The following TRDN variants were observed in gnomAD, a reference collection of about 807,000 sequenced individuals.
TRDN encodes the protein triadin in skeletal muscle.
In TRDN, 161 loss-of-function variants were observed where a neutral mutation model predicts 149.7. The ratio of observed to expected loss-of-function variants is 1.08; its 90% CI spans 0.95 to 1.23. The LOEUF (loss-of-function observed/expected upper bound fraction) is 1.23, where lower values mean the gene tolerates loss of function less well. TRDN is among the 50% of genes most tolerant of loss of function. The pLI, the probability that TRDN is intolerant of heterozygous loss-of-function variation, is 0.00. For missense variants in TRDN, 896 were observed against 823.5 expected (o/e 1.09, Z -1.08); for synonymous variants, 294 against 250.5 (o/e 1.17, Z -1.64).
At chr6:123,308,740 T>TTAGTTGATGAC (rs1778706625) in intron 24 of TRDN, among the ~76,000 whole-genome samples, 1 of 152,024 alleles carries the variant, frequency 6.6e-6, no homozygotes, top group Non-Finnish European at 1.5e-5. Flanking sequence ...ACTAATGTCA[T>TTAGTTGATGAC]CAACACCTAT....
At chr6:123,621,523 C>A (rs1005913106) in intron 1 of TRDN, among the ~76,000 whole-genome samples, 4 of 152,120 alleles carry the variant, frequency 2.6e-5, no homozygotes, top group Admixed American at 2.6e-4. Flanking sequence ...TAGCCTCCCC[C>A]AATTGAAACA....
intron 1 of TRDN, among the ~76,000 whole-genome samples, chr6:123,618,343 G>T (rs1435266436): frequency 6.6e-6 from 1 of 152,018 alleles, no homozygotes; most frequent in Non-Finnish European, 1.5e-5. Flanking sequence ...ACATAACTTG[G>T]CTCATAGCTT....
intron 37 of TRDN, among the ~76,000 whole-genome samples, chr6:123,253,688 A>G (rs1372819076): frequency 6.6e-6 from 1 of 152,116 alleles, no homozygotes; most frequent in Non-Finnish European, 1.5e-5. Flanking sequence ...TTTCGTACAT[A>G]ATCATTTTTC....
At chr6:123,612,857 C>T (rs1258371531) in intron 1 of TRDN, among the ~76,000 whole-genome samples, 1 of 152,198 alleles carries the variant, frequency 6.6e-6, no homozygotes, top group African/African-American at 2.4e-5. Flanking sequence ...GGACAGTAGA[C>T]AGACTAGAAG....
At chr6:123,584,513 G>A (rs1006821203) in intron 1 of TRDN, among the ~76,000 whole-genome samples, 2 of 152,190 alleles carry the variant, frequency 1.3e-5, no homozygotes, top group Non-Finnish European at 1.5e-5. Flanking sequence ...AGGAGTTGTT[G>A]TTTTGTAAGG....
chr6:123,558,427 G>T (rs957857601), intron 2 of TRDN, among the ~76,000 whole-genome samples: 8 of 151,900 alleles, frequency 5.3e-5, no homozygotes, highest in Non-Finnish European at 1.0e-4. Flanking sequence ...TCCCCCACCT[G>T]CCCAGCAATT....
At chr6:123,356,513 A>G (rs933314576) in intron 20 of TRDN, among the ~76,000 whole-genome samples, 1 of 14,236 alleles carries the variant, frequency 7.0e-5, no homozygotes, top group African/African-American at 2.7e-4. Flanking sequence ...TTATATATAT[A>G]TATATATATA....
chr6:123,502,107 T>C, intron 8 of TRDN: 1 of 984,370 alleles, frequency 1.0e-6, no homozygotes. Context: ...CTTTGTAGGT[T>C]TTCACTGATT....
At chr6:123,513,648 T>C (rs1221602324) in intron 6 of TRDN, among the ~76,000 whole-genome samples, 1 of 151,810 alleles carries the variant, frequency 6.6e-6, no homozygotes, top group African/African-American at 2.4e-5. Context: ...ATGAAGAAAA[T>C]AAGATAAGAA....
chr6:123,538,850 T>TTCGAATTTTATTTTCTCC (rs1780681603), intron 4 of TRDN, among the ~76,000 whole-genome samples: 2 of 152,212 alleles, frequency 1.3e-5, no homozygotes, highest in Non-Finnish European at 1.5e-5. Context: ...ATTTTTTCTC[T>TTCGAATTTTATTTTCTCC]TCGAATTTTA....
intron 38 of TRDN, among the ~76,000 whole-genome samples, chr6:123,235,761 G>T (rs1775763492): frequency 6.6e-6 from 1 of 152,130 alleles, no homozygotes; most frequent in Non-Finnish European, 1.5e-5. Context: ...CTACTGAGCT[G>T]TAACCCAATG....
chr6:123,633,144 T>C (rs530741307), intron 1 of TRDN, among the ~76,000 whole-genome samples: 21 of 152,190 alleles, frequency 1.4e-4, no homozygotes, highest in African/African-American at 4.8e-4. Flanking sequence ...AAAGCTTTCT[T>C]GAACTAAGCG....
At chr6:123,324,998 AT>A (rs918022099) in intron 23 of TRDN, among the ~76,000 whole-genome samples, 2 of 152,120 alleles carry the variant, frequency 1.3e-5, no homozygotes, top group Non-Finnish European at 2.9e-5. Flanking sequence ...ATCTTCTAAG[AT>A]TTTATTCTTT....
chr6:123,478,579 T>G (rs1372470114), intron 9 of TRDN, among the ~76,000 whole-genome samples: 1 of 152,104 alleles, frequency 6.6e-6, no homozygotes, highest in African/African-American at 2.4e-5. Flanking sequence ...CGAATTGCGT[T>G]TTTATTTTAG....
At chr6:123,349,315 G>A (rs372584712) in intron 21 of TRDN, among the ~76,000 whole-genome samples, 12 of 152,124 alleles carry the variant, frequency 7.9e-5, no homozygotes, top group East Asian at 5.8e-4. Flanking sequence ...GAGTATCCTC[G>A]TTTTCATGCA....
intron 21 of TRDN, among the ~76,000 whole-genome samples, chr6:123,344,664 TTA>T (rs1277274237): frequency 6.6e-6 from 1 of 152,064 alleles, no homozygotes; most frequent in Non-Finnish European, 1.5e-5. Context: ...CAGAATTTAT[TTA>T]TCTGTTCACC....
chr6:123,222,780 CA>C (rs1431720074), intron 39 of TRDN, among the ~76,000 whole-genome samples: 1 of 151,406 alleles, frequency 6.6e-6, no homozygotes, highest in Non-Finnish European at 1.5e-5. Context: ...ATCTATAAAG[CA>C]CTTAAACAAA....
rs59816098 is a variant in TRDN at position 123,378,453 on chromosome 6, A to AGTGTGT, written c.1187-561_1187-556dup. Among the ~76,000 whole-genome samples the AGTGTGT allele has an allele frequency of 4.0e-3, 549 of 136,372 alleles. 1 individual carries two copies. Among genetic ancestry groups the AGTGTGT allele is most frequent in the East Asian group, 0.017 (76 of 4,404 alleles). The allele number at this position is 136,372 out of a possible 152,430, so 89.5% of individuals were successfully genotyped here. On this transcript the variant is annotated intron_variant, in intron 16 of 40. Coordinates refer to ENST00000334268, the MANE Select transcript of TRDN (RefSeq NM_006073.4). ...CACCACCATGTGTAGCCAGATTTGT[A>AGTGTGT]GTGTGTGTGTGTGTGTGTGTGTGTG...
intron 2 of TRDN, among the ~76,000 whole-genome samples, chr6:123,558,675 A>G (rs1781810959): frequency 6.6e-6 from 1 of 152,324 alleles, no homozygotes; most frequent in South Asian, 2.1e-4. Context: ...ACATTAAATA[A>G]GACTCCAAAA....
Sources: allele counts gnomAD v4.1 joint callset (sites outside exome capture counted in the v4.1 genomes callset), GRCh38; gene constraint gnomAD v4.1.1; transcripts MANE v1.5; gene names NCBI Gene and HGNC (gene_info 2026-07-23, HGNC 2026-07-21).